LECT2: variants seen among roughly 807,000 people sequenced by gnomAD.
LECT2 encodes leukocyte cell derived chemotaxin 2.
LECT2 carries 11 observed loss-of-function variants against 16.6 expected under a neutral mutation model. That is an observed-to-expected ratio of 0.66 (90% confidence interval 0.42 to 1.09). The LOEUF is 1.09. Ranked by LOEUF, LECT2 falls within the 50% of genes least tolerant of loss-of-function variation. LECT2 has a pLI of 0.00. For missense variants in LECT2, 173 were observed against 184.2 expected, an observed-to-expected ratio of 0.94 and a Z score of 0.35; for synonymous variants, 54 against 64.8, an observed-to-expected ratio of 0.83 and a Z score of 0.80.
intron 1 of LECT2, among the ~76,000 whole-genome samples, chr5:135,954,133 T>A (rs1763830121): frequency 6.6e-6 from 1 of 152,252 alleles, no homozygotes; most frequent in Non-Finnish European, 1.5e-5. Flanking sequence ...GACTATTGAT[T>A]TTATTTAAAG....
chr5:135,954,917 C>G lies in LECT2; in HGVS notation c.-84G>C. ...AAGAATATTCAAGTTTGAATGAATACTTCCTAGCTATTTAGCCTTAGAATT... is the reference window on the plus strand; with the variant it reads ...AAGAATATTCAAGTTTGAATGAATAGTTCCTAGCTATTTAGCCTTAGAATT... On this transcript the variant is annotated 5_prime_UTR_variant, in exon 1 of 4. Coordinates refer to ENST00000274507, the MANE Select transcript of LECT2 (RefSeq NM_002302.3). 1.0e-6 allele frequency: 1 copy of G among 993,030 alleles called. No homozygotes were observed. The highest frequency in any genetic ancestry group is 2.4e-5 in the East Asian group (1 of 41,426). The allele number at this position is 993,030 out of a possible 1,614,324, so 61.5% of individuals were successfully genotyped here.
chr5:135,952,641 T>C (rs1390335721), intron 2 of LECT2, among the ~76,000 whole-genome samples: 1 of 152,228 alleles, frequency 6.6e-6, no homozygotes, highest in Non-Finnish European at 1.5e-5. Flanking sequence ...GAAAACATTG[T>C]GTTTGCTCCC....
Position 135,947,385 on chromosome 5 carries a change from T to C in LECT2, c.402A>G (p.Gln134=), listed in dbSNP as rs770863295. 6.2e-7 allele frequency: 1 copy of C among 1,614,086 alleles called. No individual in the cohort carries two copies. Among genetic ancestry groups the C allele is most frequent in the Non-Finnish European group, 8.5e-7 (1 of 1,179,936 alleles). The change falls in exon 4 of 4, where the codon CAA becomes CAG. Residue 134 remains glutamine, a synonymous_variant. Transcript: ENST00000274507. Reference sequence around the variant, plus strand: ...CACAGTTTTCAATGTGCACATGCGATTGTATGCCAGGATAAACTTTCTGCA... The same window carrying C: ...CACAGTTTTCAATGTGCACATGCGACTGTATGCCAGGATAAACTTTCTGCA... ...LPLQKVYPGI[Q]SHVHIENCDS... is the part of the protein sequence containing the mutation.
At chr5:135,953,318 C>G (rs58264789) in intron 1 of LECT2, among the ~76,000 whole-genome samples, 18,892 of 152,004 alleles carry the variant, frequency 0.12, 1,377 homozygotes, top group African/African-American at 0.2. Flanking sequence ...TCTCCTTCCC[C>G]AGCCGCCTGA....
At chr5:135,952,807 C>T (rs1008613241) in intron 2 of LECT2, 64 bp downstream of exon 2, 4 of 1,202,020 alleles carry the variant, frequency 3.3e-6, no homozygotes, top group Non-Finnish European at 4.9e-6. Context: ...CAACGTTGGG[C>T]AAGGACACTA....
In LECT2 at chr5:135,951,336, A is replaced by G; in HGVS notation, c.176T>C (p.Leu59Ser). ...SQRPHQGVDI[L>S]CSAGSTVYAP... ...GTACACAGTAGATCCAGCAGAGCAC[A>G]AGATGTCCACACCCTGGTGAGGCCT... is the stretch of plus-strand genomic sequence containing the variant. The change falls in exon 3 of 4, where the codon TTG becomes TCG. Residue 59 changes from leucine (L) to serine (S), a missense_variant. By Grantham distance (145) the Leu-to-Ser change is moderately radical. Transcript: ENST00000274507. The G allele has an allele frequency of 6.2e-7, 1 of 1,613,998 alleles. No homozygotes were observed. Among genetic ancestry groups the G allele is most frequent in the African/African-American group, 1.3e-5 (1 of 75,050 alleles).
At chr5:135,947,762 C>A (rs941458238) in intron 3 of LECT2, among the ~76,000 whole-genome samples, 1 of 152,032 alleles carries the variant, frequency 6.6e-6, no homozygotes, top group African/African-American at 2.4e-5. Flanking sequence ...GAGCCCTGAA[C>A]AATGTCAACT....
intron 3 of LECT2, among the ~76,000 whole-genome samples, chr5:135,949,664 T>C (rs1346605858): frequency 1.2e-4 from 18 of 152,230 alleles, no homozygotes; most frequent in Non-Finnish European, 2.6e-4. Flanking sequence ...TTTGGCTGCG[T>C]AGCAGGACCC....
At chr5:135,947,821 T>C (rs999105556) in intron 3 of LECT2, among the ~76,000 whole-genome samples, 1 of 151,666 alleles carries the variant, frequency 6.6e-6, no homozygotes, top group African/African-American at 2.4e-5. Context: ...TAAAGAAAAA[T>C]AGAAATAACT....
At chr5:135,947,652 A>C (rs543799890) in intron 3 of LECT2, among the ~76,000 whole-genome samples, 155 bp from the exon 4 acceptor site, 99 of 152,370 alleles carry the variant, frequency 6.5e-4, no homozygotes, top group African/African-American at 2.2e-3. Flanking sequence ...AAAAAGGAAG[A>C]CTAAATTACA....
At chr5:135,952,436 C>T (rs1389801131) in intron 2 of LECT2, among the ~76,000 whole-genome samples, 1 of 152,176 alleles carries the variant, frequency 6.6e-6, no homozygotes, top group African/African-American at 2.4e-5. Flanking sequence ...CCAGTAACCG[C>T]GTGGTTTGGT....
chr5:135,954,394 G>C (rs1356998727), intron 1 of LECT2, among the ~76,000 whole-genome samples: 1 of 152,152 alleles, frequency 6.6e-6, no homozygotes, highest in Non-Finnish European at 1.5e-5. Context: ...TGAGTATTAA[G>C]GGAGCCATCC....
intron 3 of LECT2, among the ~76,000 whole-genome samples, chr5:135,948,961 C>T (rs1052151499): frequency 5.9e-5 from 9 of 152,278 alleles, no homozygotes; most frequent in Non-Finnish European, 1.0e-4. Flanking sequence ...AGGCACGAGC[C>T]ACCGTGCCCA....
At chr5:135,950,857 T>G in intron 3 of LECT2, 1 of 309,846 alleles carries the variant, frequency 3.2e-6, no homozygotes, top group Non-Finnish European at 5.9e-6. Context: ...GTGAAGTGTG[T>G]GCATGAAGCA....
At position 135,952,932 on chromosome 5, in the gene LECT2, T is replaced by G; in HGVS notation, c.82A>C (p.Lys28Gln). Residue 28 changes from lysine (K) to glutamine (Q), a missense_variant, in exon 2 of 4, where the codon AAG becomes CAG. Physicochemically the swap from Lys to Gln is moderately conservative, Grantham distance 53 (BLOSUM62 1). Coordinates refer to ENST00000274507, the MANE Select transcript of LECT2 (RefSeq NM_002302.3). ...CACGTCCGGATCTCATTGGAAGACT[T>G]GCCAGCACATATATTAGCCCATGGC... is the stretch of plus-strand genomic sequence containing the variant. ...AGPWANICAG[K>Q]SSNEIRTCDR... The G allele has an allele frequency of 6.2e-7, 1 of 1,614,084 alleles. No homozygotes were observed. Among genetic ancestry groups the G allele is most frequent in the Non-Finnish European group, 8.5e-7 (1 of 1,179,948 alleles).
intron 3 of LECT2, among the ~76,000 whole-genome samples, chr5:135,948,383 T>C (rs1763733415): frequency 6.6e-6 from 1 of 152,122 alleles, no homozygotes; most frequent in Non-Finnish European, 1.5e-5. Context: ...ACCGGTCAAG[T>C]GAGCATAAAA....
intron 3 of LECT2, among the ~76,000 whole-genome samples, chr5:135,948,756 G>C (rs1031233738): frequency 5.9e-5 from 9 of 151,394 alleles, no homozygotes; most frequent in South Asian, 2.1e-4. Flanking sequence ...CTCACTGCAG[G>C]CTCCGCCTCC....
chr5:135,951,373 G>C lies in LECT2; in HGVS notation c.144-5C>G. The C allele has an allele frequency of 6.2e-7, 1 of 1,612,514 alleles. No individual in the cohort carries two copies. The highest frequency in any genetic ancestry group is 8.5e-7 in the Non-Finnish European group (1 of 1,179,034). On this transcript the variant is annotated splice_polypyrimidine_tract_variant and splice_region_variant and intron_variant, in intron 2 of 3. Coordinates refer to ENST00000274507, the MANE Select transcript of LECT2 (RefSeq NM_002302.3). ...CCCTGGTGAGGCCTCTGACTTCTAG[G>C]ATGTAAATAAGAACGAACAGACTGA...
intron 3 of LECT2, among the ~76,000 whole-genome samples, chr5:135,949,918 C>T (rs767430226): frequency 3.9e-5 from 6 of 152,182 alleles, no homozygotes; most frequent in African/African-American, 1.4e-4. Flanking sequence ...GAGATTTAGA[C>T]GAATCTGATT....
Sources: allele counts gnomAD v4.1 joint callset (sites outside exome capture counted in the v4.1 genomes callset), GRCh38; gene constraint gnomAD v4.1.1; transcripts MANE v1.5; gene names NCBI Gene and HGNC (gene_info 2026-07-23, HGNC 2026-07-21).